Variants in WFDC5 observed in about 807,000 individuals in gnomAD.
WFDC5 encodes the protein WAP four-disulfide core domain 5, also known as WAP four-disulfide core domain protein 5.
A neutral mutation model predicts 15.7 loss-of-function variants in WFDC5; 15 were observed. The ratio of observed to expected loss-of-function variants is 0.96; its 90% CI spans 0.64 to 1.47. The LOEUF is 1.47. Ranked by LOEUF, WFDC5 falls within the 40% of genes most tolerant of loss-of-function variation. The pLI, the probability that WFDC5 is intolerant of heterozygous loss-of-function variation, is 0.00. For missense variants in WFDC5, 280 were observed against 258.0 expected, an observed-to-expected ratio of 1.09 and a Z score of -0.59; for synonymous variants, 109 against 107.7, an observed-to-expected ratio of 1.01 and a Z score of -0.07.
exon 1 of WFDC5, chr20:45,115,156 TAGTC>T (rs147846563): frequency 0.03 from 42,930 of 1,454,132 alleles, 2,056 homozygotes; most frequent in African/African-American, 0.21. Context: ...CAGAGAAACT[TAGTC>T]AGGAGAGGAA....
chr20:45,110,373 C>G lies in WFDC5; in HGVS notation c.393+1G>C. ...GAGCTGGGCTCGGAGAGGGGAGGCA[C>G]CTGCCCTGGGCACCCAGGAGCCGTA... is the stretch of plus-strand genomic sequence containing the variant. On this transcript the variant is annotated splice_donor_variant, in intron 3 of 3. Transcript: ENST00000307971. LOFTEE classifies it high-confidence loss of function. 1 of 1,577,632 alleles carries G rather than the reference C, an allele frequency of 6.3e-7. No homozygotes were observed. Among genetic ancestry groups the G allele is most frequent in the Non-Finnish European group, 8.6e-7 (1 of 1,162,710 alleles).
rs572415680 is a variant in WFDC5 at position 45,112,250 on chromosome 20, G to A, written c.86-1475C>T. Among the ~76,000 whole-genome samples, 254 of 152,282 alleles carry A rather than the reference G, an allele frequency of 1.7e-3. 2 individuals carry two copies. The highest frequency in any genetic ancestry group is 5.7e-3 in the African/African-American group (237 of 41,566). ...ATTCACAAGTCCAAGTCAAAGGTGC[G>A]CAGGCCTCAAAGGGTGGGCCAAACG... On this transcript the variant is annotated intron_variant, in intron 1 of 3. Transcript: ENST00000307971.
chr20:45,113,749 G>A (rs1277588627), intron 1 of WFDC5, among the ~76,000 whole-genome samples: 1 of 152,118 alleles, frequency 6.6e-6, no homozygotes, highest in Non-Finnish European at 1.5e-5. Context: ...CTATGTTGGG[G>A]GTGCATTGTC....
At chr20:45,110,535 G>C (rs761002014) in exon 3 of WFDC5, 1 of 1,614,226 alleles carries the variant, frequency 6.2e-7, no homozygotes, top group Non-Finnish European at 8.5e-7. Flanking sequence ...CAGCTGCCCA[G>C]CTTCACTGCA....
intron 1 of WFDC5, among the ~76,000 whole-genome samples, chr20:45,112,560 C>T (rs1272167154): frequency 1.3e-5 from 2 of 152,168 alleles, no homozygotes; most frequent in South Asian, 2.1e-4. Context: ...ATGTGTACAT[C>T]GAGACAGTCA....
At chr20:45,111,628 G>A (rs923499666) in intron 1 of WFDC5, among the ~76,000 whole-genome samples, 5 of 152,292 alleles carry the variant, frequency 3.3e-5, no homozygotes, top group African/African-American at 4.8e-5. Context: ...TCTCTGAGGC[G>A]TTCCTCTGAA....
At chr20:45,112,922 C>G (rs1304623343) in intron 1 of WFDC5, among the ~76,000 whole-genome samples, 4 of 152,112 alleles carry the variant, frequency 2.6e-5, no homozygotes, top group Non-Finnish European at 4.4e-5. Context: ...AACATAATCA[C>G]TGTCATTTAC....
intron 1 of WFDC5, among the ~76,000 whole-genome samples, chr20:45,113,131 A>G (rs561401102): frequency 6.6e-5 from 10 of 152,340 alleles, no homozygotes; most frequent in East Asian, 1.9e-4. Flanking sequence ...CACTGACAGC[A>G]TTTAATTAGG....
At position 45,110,373 on chromosome 20, in the gene WFDC5, C is replaced by T. The variant is rs1182047318; in HGVS notation, c.393+1G>A. ...GAGCTGGGCTCGGAGAGGGGAGGCA[C>T]CTGCCCTGGGCACCCAGGAGCCGTA... On this transcript the variant is annotated splice_donor_variant, in intron 3 of 3. Transcript: ENST00000307971. LOFTEE classifies it high-confidence loss of function. 3.2e-6 allele frequency: 5 copies of T among 1,577,632 alleles called. No individual in the cohort carries two copies. The highest frequency in any genetic ancestry group is 4.3e-6 in the Non-Finnish European group (5 of 1,162,710).
chr20:45,109,906 G>A (rs774152948), exon 4 of WFDC5: 27 of 1,513,770 alleles, frequency 1.8e-5, no homozygotes, highest in Admixed American at 6.7e-5. Context: ...ACCACCGCTG[G>A]TAGAGATAGT....
intron 1 of WFDC5, among the ~76,000 whole-genome samples, chr20:45,111,607 C>T (rs374436055): frequency 1.3e-5 from 2 of 152,210 alleles, no homozygotes; most frequent in Non-Finnish European, 2.9e-5. Context: ...GAGGATCAGG[C>T]GTTAACTCTG....
Position 45,110,668 on chromosome 20 carries a change from C to T in WFDC5, c.193G>A (p.Ala65Thr), listed in dbSNP as rs758984783. Residue 65 changes from alanine to threonine, a missense_variant, in exon 2 of 4, where the codon GCT (alanine) becomes ACT (threonine). Physicochemically the swap from Ala to Thr is moderately conservative, Grantham distance 58. Coordinates refer to ENST00000307971, the Ensembl canonical transcript of WFDC5. ...CTGGGGACACACTGGCGGAAGCAAG[C>T]TCTGTAGCAGCACTTCCTGGTCAAG... The T allele has an allele frequency of 3.5e-5, 57 of 1,613,960 alleles. 2 individuals carry two copies. In the South Asian group the frequency reaches 6.3e-4, roughly 18 times the overall value.
chr20:45,114,033 C>T (rs750271471), intron 1 of WFDC5, among the ~76,000 whole-genome samples: 4 of 152,192 alleles, frequency 2.6e-5, no homozygotes, highest in East Asian at 1.9e-4. Flanking sequence ...AGTGGTTCCC[C>T]GCTATGCCTC....
upstream of WFDC5, among the ~76,000 whole-genome samples, chr20:45,115,788 G>A (rs1209243446): frequency 2.0e-5 from 3 of 152,120 alleles, no homozygotes; most frequent in Non-Finnish European, 2.9e-5. Context: ...TGTGGCCACT[G>A]GAACCTCTTC....
chr20:45,109,625 A>G lies in WFDC5; in HGVS notation c.*107T>C, dbSNP rs908562397. On this transcript the variant is annotated 3_prime_UTR_variant, in exon 4 of 4. Transcript: ENST00000307971. ...TGACTGATGTTTGGAAAACTCTGCA[A>G]GAATATTCATTCTGGATGGTTGGGC... 6 of 635,950 alleles carry G rather than the reference A, an allele frequency of 9.4e-6. No individual in the cohort carries two copies. The Admixed American group carries it at 1.5e-4, about 16-fold the overall frequency. 39.4% of individuals were successfully genotyped at this position (635,950 alleles called of 1,614,324 possible).
At chr20:45,112,499 G>T (rs1451836752) in intron 1 of WFDC5, among the ~76,000 whole-genome samples, 3 of 152,182 alleles carry the variant, frequency 2.0e-5, no homozygotes, top group Non-Finnish European at 4.4e-5. Flanking sequence ...CACTCACTCT[G>T]TTTGCCTGCC....
intron 1 of WFDC5, 125 bp downstream of exon 1, chr20:45,114,874 C>A: frequency 7.4e-6 from 7 of 948,190 alleles, no homozygotes; most frequent in Non-Finnish European, 1.1e-5. Flanking sequence ...CACACACGCA[C>A]GCACGCACAC....
chr20:45,115,176 G>C, upstream of WFDC5: 2 of 1,278,254 alleles, frequency 1.6e-6, no homozygotes, highest in Non-Finnish European at 1.1e-6. Context: ...AGGAAAGAGA[G>C]GGGGTGTGGA....
At chr20:45,110,593 T>C (rs1044685911) in intron 2 of WFDC5, 42 bp downstream of exon 2, 10 of 1,613,978 alleles carry the variant, frequency 6.2e-6, no homozygotes, top group Middle Eastern at 3.3e-4. Context: ...GCCCTGAAGC[T>C]TGGGGCTTGG....
Sources: gnomAD v4.1 joint callset for allele counts (sites outside exome capture counted in the v4.1 genomes callset) on GRCh38, gnomAD v4.1.1 for gene constraint, MANE v1.5 for transcripts, NCBI Gene and HGNC (gene_info 2026-07-23, HGNC 2026-07-21) for gene names.